CALHM4: variants seen among roughly 807,000 people sequenced by gnomAD.
CALHM4 encodes calcium homeostasis modulator family member 4.
Under a neutral mutation model 13.3 loss-of-function variants are expected in CALHM4, and 16 were observed. The ratio of observed to expected loss-of-function variants is 1.20; its 90% confidence interval spans 0.81 to 1.82. CALHM4 has a LOEUF of 1.82. Ranked by LOEUF, CALHM4 falls within the 40% of genes most tolerant of loss-of-function variation. CALHM4 has a pLI of 0.00. For missense variants in CALHM4, 344 were observed against 374.9 expected (o/e 0.92, Z 0.68); for synonymous variants, 127 against 137.1 (o/e 0.93, Z 0.52).
At chr6:116,547,109 T>G (rs2115264460) in intron 2 of CALHM4, among the ~76,000 whole-genome samples, 1 of 152,330 alleles carries the variant, frequency 6.6e-6, no homozygotes, top group Non-Finnish European at 1.5e-5. Context: ...CTAATTTTGA[T>G]GATTCCAAGT....
At position 116,559,103 on chromosome 6, in the gene CALHM4, G is replaced by A. The variant is rs1202058730; in HGVS notation, c.*892G>A. 6.6e-6 allele frequency among the ~76,000 whole-genome samples: 1 copy of A among 152,192 alleles called. No individual in the cohort carries two copies. Among genetic ancestry groups the A allele is most frequent in the Non-Finnish European group, 1.5e-5 (1 of 68,034 alleles). On this transcript the variant is annotated 3_prime_UTR_variant, in exon 2 of 2. Transcript: ENST00000368596. ...ATATCCATTATCTGTAACTACAAAA[G>A]AGGATAATTCCTGCTTGGTGTTGCT... is the stretch of plus-strand genomic sequence containing the variant.
chr6:116,541,722 A>C (rs1285891168), intron 1 of CALHM4, among the ~76,000 whole-genome samples: 3 of 152,224 alleles, frequency 2.0e-5, no homozygotes, highest in Admixed American at 2.0e-4. Flanking sequence ...ATCAGGATTA[A>C]AAAATATTTC....
In CALHM4 at chr6:116,544,648, G is replaced by A. The variant is rs115619989; in HGVS notation, c.-1+776G>A. On this transcript the variant is annotated intron_variant, in intron 2 of 2. Coordinates refer to the CALHM4 transcript ENST00000368597. Reference sequence around the variant, plus strand: ...CTGCTTTATAAAATCAAGTGATTTCGGTATAATATGAACTATGTACCATAT... The same window carrying A: ...CTGCTTTATAAAATCAAGTGATTTCAGTATAATATGAACTATGTACCATAT... Among the ~76,000 whole-genome samples, 811 of 152,064 alleles carry A rather than the reference G, an allele frequency of 5.3e-3. 8 individuals carry two copies. Among genetic ancestry groups the A allele is most frequent in the African/African-American group, 0.018 (766 of 41,494 alleles).
chr6:116,545,161 AT>A (rs1260806057), intron 2 of CALHM4, among the ~76,000 whole-genome samples: 4 of 151,302 alleles, frequency 2.6e-5, no homozygotes, highest in African/African-American at 4.8e-5. Flanking sequence ...GTAAGTTCCC[AT>A]TTCCTGAAGT....
At chr6:116,536,484 C>T (rs1773101558) in intron 1 of CALHM4, among the ~76,000 whole-genome samples, 1 of 152,192 alleles carries the variant, frequency 6.6e-6, no homozygotes, top group Non-Finnish European at 1.5e-5. Flanking sequence ...AAGGCAGAGG[C>T]GTGCTGAGTG....
intron 1 of CALHM4, 102 bp downstream of exon 1, chr6:116,554,453 A>T: frequency 1.0e-6 from 1 of 1,002,892 alleles, no homozygotes; most frequent in Non-Finnish European, 1.4e-6. Context: ...CTCTGATTAT[A>T]GAACACAATA....
At chr6:116,540,960 T>C (rs746984579) in intron 1 of CALHM4, among the ~76,000 whole-genome samples, 10 of 152,142 alleles carry the variant, frequency 6.6e-5, no homozygotes, top group Non-Finnish European at 1.3e-4. Context: ...GAAAAAATTT[T>C]TGTTGCCAGT....
upstream of CALHM4, among the ~76,000 whole-genome samples, chr6:116,551,447 T>G (rs955817600): frequency 2.0e-5 from 3 of 152,234 alleles, no homozygotes; most frequent in Admixed American, 6.5e-5. Flanking sequence ...AATTATTTCA[T>G]CCGGAAAATT....
At position 116,559,364 on chromosome 6, in the gene CALHM4, A is replaced by T. The variant is rs186751763; in HGVS notation, c.*1153A>T. 2.8e-4 allele frequency among the ~76,000 whole-genome samples: 43 copies of T among 152,332 alleles called. No individual in the cohort carries two copies. Among genetic ancestry groups the T allele is most frequent in the African/African-American group, 8.9e-4 (37 of 41,586 alleles). ...ATAGTCAATCCAATTTTCAAGATTC[A>T]CTTTCAAGGAGACCAAGGAACTTGA... is the stretch of plus-strand genomic sequence containing the variant. On this transcript the variant is annotated 3_prime_UTR_variant, in exon 2 of 2. Transcript: ENST00000368596.
Position 116,559,780 on chromosome 6 carries a change from T to C in CALHM4, c.*1569T>C, listed in dbSNP as rs930754877. On this transcript the variant is annotated 3_prime_UTR_variant, in exon 2 of 2. Coordinates refer to ENST00000368596, the MANE Select transcript of CALHM4 (RefSeq NM_001366078.2). ...ACATCAAGTACGATTTTTATGTTTATGTTTATATATATATACAGGTCAATA... is the reference window on the plus strand; with the variant it reads ...ACATCAAGTACGATTTTTATGTTTACGTTTATATATATATACAGGTCAATA... Among the ~76,000 whole-genome samples, 3 of 152,330 alleles carry C rather than the reference T, an allele frequency of 2.0e-5. No homozygotes were observed. The highest frequency in any genetic ancestry group is 4.4e-5 in the Non-Finnish European group (3 of 68,010).
intron 1 of CALHM4, among the ~76,000 whole-genome samples, chr6:116,555,836 C>T (rs889487731): frequency 6.6e-6 from 1 of 152,184 alleles, no homozygotes; most frequent in Non-Finnish European, 1.5e-5. Context: ...AAAATATCTT[C>T]CTCACATTAA....
At chr6:116,539,579 C>T (rs754710777) in intron 1 of CALHM4, among the ~76,000 whole-genome samples, 2 of 151,990 alleles carry the variant, frequency 1.3e-5, no homozygotes, top group Non-Finnish European at 2.9e-5. Flanking sequence ...CAGTGAAAGA[C>T]AAAGAGTATG....
At chr6:116,543,632 A>G (rs1026966187) in intron 1 of CALHM4, 1 of 659,114 alleles carries the variant, frequency 1.5e-6, no homozygotes. Context: ...ATTTCGTAAC[A>G]TGATAACATC....
At chr6:116,545,278 A>T (rs1773712999) in intron 2 of CALHM4, among the ~76,000 whole-genome samples, 1 of 152,104 alleles carries the variant, frequency 6.6e-6, no homozygotes, top group Non-Finnish European at 1.5e-5. Flanking sequence ...TAAAGTGTGT[A>T]TAAAGAATTG....
intron 1 of CALHM4, among the ~76,000 whole-genome samples, chr6:116,537,680 C>G (rs796687105): frequency 5.9e-5 from 9 of 152,194 alleles, no homozygotes; most frequent in African/African-American, 2.2e-4. Context: ...CTCGAGGAGC[C>G]CTTAAATGCA....
intron 2 of CALHM4, among the ~76,000 whole-genome samples, chr6:116,547,729 G>T (rs1406036797): frequency 2.0e-5 from 3 of 152,196 alleles, no homozygotes; most frequent in African/African-American, 7.2e-5. Flanking sequence ...TATAATGTCT[G>T]CCCTGGCAGC....
At position 116,536,422 on chromosome 6, in the gene CALHM4, C is replaced by A. The variant is rs1410954453; in HGVS notation, c.-109+7232C>A. Among the ~76,000 whole-genome samples the A allele has an allele frequency of 3.9e-5, 6 of 152,270 alleles. No homozygotes were observed. The East Asian group carries it at 1.2e-3, about 29-fold the overall frequency. On this transcript the variant is annotated intron_variant, in intron 1 of 2. Coordinates refer to the CALHM4 transcript ENST00000368597. ...TGAAGAAAAAAACTAGTGAGGGAAACAAGAGAGGGGAATGTTATGAATACC... is the reference window on the plus strand; with the variant it reads ...TGAAGAAAAAAACTAGTGAGGGAAAAAAGAGAGGGGAATGTTATGAATACC...
chr6:116,542,474 C>A (rs1347678442), intron 1 of CALHM4, among the ~76,000 whole-genome samples: 1 of 152,066 alleles, frequency 6.6e-6, no homozygotes, highest in African/African-American at 2.4e-5. Context: ...AAATGTTAGG[C>A]TAAATTTCCC....
chr6:116,537,842 G>C (rs1773194552), intron 1 of CALHM4, among the ~76,000 whole-genome samples: 3 of 152,114 alleles, frequency 2.0e-5, no homozygotes, highest in Admixed American at 2.0e-4. Context: ...TTTTTATTGA[G>C]TAAATACCCA....
Sources: gnomAD v4.1 joint callset for allele counts (sites outside exome capture counted in the v4.1 genomes callset) on GRCh38, gnomAD v4.1.1 for gene constraint, MANE v1.5 for transcripts, NCBI Gene and HGNC (gene_info 2026-07-23, HGNC 2026-07-21) for gene names.